The following ERG variants were observed in gnomAD, a reference collection of about 807,000 sequenced individuals.
ERG encodes the protein ETS transcription factor ERG, also known as transcriptional regulator ERG.
A neutral mutation model predicts 55.3 loss-of-function variants in ERG; 9 were observed. The observed-to-expected ratio is 0.16, with a 90% CI of 0.10 to 0.28. The LOEUF (loss-of-function observed/expected upper bound fraction) is 0.28, where lower values mean the gene tolerates loss of function less well. Ranked by LOEUF, ERG falls within the 10% of genes least tolerant of loss-of-function variation. The pLI, the probability that ERG is intolerant of heterozygous loss-of-function variation, is 1.00. For synonymous variants in ERG, 223 were observed against 237.3 expected (o/e 0.94, Z 0.55); for missense variants, 434 against 631.6 (o/e 0.69, Z 3.35).
intron 3 of ERG, among the ~76,000 whole-genome samples, chr21:38,417,750 T>C (rs968061668): frequency 6.6e-6 from 1 of 151,782 alleles, no homozygotes; most frequent in African/African-American, 2.4e-5. Flanking sequence ...GACCGCGCCA[T>C]TGCACTCCAG....
intron 3 of ERG, among the ~76,000 whole-genome samples, chr21:38,422,891 G>T (rs1989609427): frequency 6.6e-6 from 1 of 152,106 alleles, no homozygotes; most frequent in African/African-American, 2.4e-5. Flanking sequence ...AAACAAACAA[G>T]TCTATCATCT....
chr21:38,497,567 T>C (rs1251488972), intron 1 of ERG, among the ~76,000 whole-genome samples: 2 of 152,208 alleles, frequency 1.3e-5, no homozygotes, highest in Non-Finnish European at 2.9e-5. Context: ...AATCAGGCCA[T>C]ATTTAGGATT....
At chr21:38,609,919 G>A (rs1457147759) in intron 1 of ERG, among the ~76,000 whole-genome samples, 1 of 152,190 alleles carries the variant, frequency 6.6e-6, no homozygotes, top group South Asian at 2.1e-4. Context: ...GGTCAAAGGC[G>A]TTTTTCGTTT....
intron 2 of ERG, among the ~76,000 whole-genome samples, chr21:38,562,627 G>A (rs182684602): frequency 3.5e-4 from 53 of 152,280 alleles, no homozygotes; most frequent in African/African-American, 1.1e-3. Flanking sequence ...CATTTAAATC[G>A]ATAATGCACC....
intron 2 of ERG, among the ~76,000 whole-genome samples, chr21:38,429,245 GGT>G (rs918674196): frequency 2.2e-4 from 33 of 150,248 alleles, no homozygotes; most frequent in African/African-American, 7.1e-4. Context: ...AGTATTCCAT[GGT>G]GTGTGTGTGT....
chr21:38,549,098 G>A (rs1018303536), intron 2 of ERG, among the ~76,000 whole-genome samples: 3 of 151,908 alleles, frequency 2.0e-5, no homozygotes, highest in Non-Finnish European at 4.4e-5. Context: ...GGGCAACAGA[G>A]CAAGACTCTG....
intron 2 of ERG, among the ~76,000 whole-genome samples, chr21:38,547,577 G>GC (rs1400880029): frequency 3.3e-5 from 5 of 152,228 alleles, no homozygotes; most frequent in Non-Finnish European, 5.9e-5. Context: ...TCGATCATAG[G>GC]CAAGGGCTTT....
At chr21:38,561,038 T>C (rs1433757919) in intron 2 of ERG, among the ~76,000 whole-genome samples, 1 of 152,118 alleles carries the variant, frequency 6.6e-6, no homozygotes, top group Non-Finnish European at 1.5e-5. Flanking sequence ...TTTTAATGTC[T>C]TTTTTTTCTT....
intron 1 of ERG, among the ~76,000 whole-genome samples, chr21:38,495,026 T>C (rs2059368386): frequency 6.6e-6 from 1 of 152,246 alleles, no homozygotes; most frequent in South Asian, 2.1e-4. Context: ...CTGGCCTTCC[T>C]TCCATTCTCC....
intron 1 of ERG, among the ~76,000 whole-genome samples, chr21:38,617,880 G>A (rs1470859498): frequency 6.6e-6 from 1 of 152,148 alleles, no homozygotes; most frequent in African/African-American, 2.4e-5. Context: ...TGGGCAGGAA[G>A]GTAGGGAAGG....
chr21:38,578,033 C>T (rs2060005578), intron 1 of ERG, among the ~76,000 whole-genome samples: 1 of 152,200 alleles, frequency 6.6e-6, no homozygotes. Context: ...GTCCCCATAC[C>T]CTCAGCAGCA....
At chr21:38,527,788 C>T (rs1015737385) in intron 2 of ERG, among the ~76,000 whole-genome samples, 3 of 152,194 alleles carry the variant, frequency 2.0e-5, no homozygotes, top group Admixed American at 6.5e-5. Flanking sequence ...AAAACCCTAA[C>T]GTGACAATGA....
chr21:38,410,680 T>C (rs1015318817), intron 3 of ERG, among the ~76,000 whole-genome samples: 6 of 152,112 alleles, frequency 3.9e-5, no homozygotes, highest in African/African-American at 1.2e-4. Flanking sequence ...AAATATTGAG[T>C]AGATATTTAA....
At chr21:38,561,989 C>A (rs1387557210) in intron 2 of ERG, among the ~76,000 whole-genome samples, 1 of 152,106 alleles carries the variant, frequency 6.6e-6, no homozygotes, top group Admixed American at 6.6e-5. Context: ...AATAAAAAAA[C>A]TTTCTCTGCT....
At chr21:38,405,127 T>C (rs931596626) in intron 3 of ERG, among the ~76,000 whole-genome samples, 4 of 152,244 alleles carry the variant, frequency 2.6e-5, no homozygotes, top group African/African-American at 9.6e-5. Flanking sequence ...AGTTAGTAGC[T>C]AGTGGTTAGA....
At chr21:38,474,694 T>C (rs1210924796) in intron 1 of ERG, among the ~76,000 whole-genome samples, 2 of 151,758 alleles carry the variant, frequency 1.3e-5, no homozygotes, top group African/African-American at 2.4e-5. Context: ...ATATAGCCCT[T>C]GTATAAACAA....
intron 1 of ERG, among the ~76,000 whole-genome samples, chr21:38,609,143 A>G (rs1416293397): frequency 6.6e-6 from 1 of 152,142 alleles, no homozygotes; most frequent in African/African-American, 2.4e-5. Context: ...TCTTGAATCT[A>G]CTCCAGACAG....
At chr21:38,583,488 TC>T (rs34356676) in intron 1 of ERG, among the ~76,000 whole-genome samples, 76,005 of 152,032 alleles carry the variant, frequency 0.5, 21,768 homozygotes, top group Non-Finnish European at 0.64. Context: ...TGAATGCATC[TC>T]CCACATTTAT....
At chr21:38,537,365 C>G (rs889443961) in intron 2 of ERG, among the ~76,000 whole-genome samples, 1 of 151,446 alleles carries the variant, frequency 6.6e-6, no homozygotes, top group African/African-American at 2.4e-5. Context: ...TCAACAAAGT[C>G]AAAAGACATC....
Sources: gnomAD v4.1 joint callset for allele counts (sites outside exome capture counted in the v4.1 genomes callset) on GRCh38, gnomAD v4.1.1 for gene constraint, MANE v1.5 for transcripts, NCBI Gene and HGNC (gene_info 2026-07-23, HGNC 2026-07-21) for gene names.